CDA: variants seen among roughly 807,000 people sequenced by gnomAD.
The protein encoded by CDA is cytidine aminohydrolase.
CDA carries 7 observed loss-of-function variants against 15.0 expected under a neutral mutation model. The ratio of observed to expected loss-of-function variants is 0.47; its 90% CI spans 0.26 to 0.87. The LOEUF (loss-of-function observed/expected upper bound fraction) is 0.87, where lower values mean the gene tolerates loss of function less well. Ranked by LOEUF, CDA falls within the 40% of genes least tolerant of loss-of-function variation. The pLI, the probability that CDA is intolerant of heterozygous loss-of-function variation, is 0.15. For missense variants in CDA, 159 were observed against 182.7 expected (o/e 0.87, Z 0.75); for synonymous variants, 58 against 73.0 (o/e 0.79, Z 1.05).
chr1:20,591,114 C>T (rs533464415), intron 1 of CDA, among the ~76,000 whole-genome samples: 19 of 152,204 alleles, frequency 1.2e-4, no homozygotes, highest in African/African-American at 4.1e-4. Flanking sequence ...CCGAGGCAGG[C>T]GGATCACGAT....
intron 2 of CDA, among the ~76,000 whole-genome samples, chr1:20,609,346 C>A (rs987059997): frequency 2.0e-5 from 3 of 152,132 alleles, no homozygotes; most frequent in Admixed American, 2.0e-4. Context: ...ATTAACCAGG[C>A]GTGGTGGCGG....
Position 20,618,635 on chromosome 1 carries a change from TG to T in CDA, c.*71del. 1 of 942,700 alleles carries T rather than the reference TG, an allele frequency of 1.1e-6. No homozygotes were observed. Among genetic ancestry groups the T allele is most frequent in the Non-Finnish European group, 1.8e-6 (1 of 568,534 alleles). The allele number at this position is 942,700 out of a possible 1,614,324, so 58.4% of individuals were successfully genotyped here. On this transcript the variant is annotated 3_prime_UTR_variant, in exon 4 of 4. Transcript: ENST00000375071. ...ACTTCATAAAGATGTCTCACAGCCC[TG>T]GGGACACCTGCCCAGTGGGCCCCAG...
intron 1 of CDA, among the ~76,000 whole-genome samples, chr1:20,603,755 C>T (rs1010277994): frequency 2.6e-5 from 4 of 152,228 alleles, no homozygotes; most frequent in African/African-American, 9.6e-5. Flanking sequence ...AGATGGAATA[C>T]CACATCTTGC....
Position 20,589,225 on chromosome 1 carries a change from CTA to C in CDA, c.97_98del (p.Tyr33GlnfsTer34), listed in dbSNP as rs750180479. The C allele has an allele frequency of 1.2e-6, 2 of 1,613,886 alleles. No individual in the cohort carries two copies. The highest frequency in any genetic ancestry group is 1.7e-6 in the Non-Finnish European group (2 of 1,179,796). On this transcript the variant is annotated frameshift_variant, in exon 1 of 4. Coordinates refer to ENST00000375071, the MANE Select transcript of CDA (RefSeq NM_001785.3). LOFTEE classifies it high-confidence loss of function. ...AGGCCAAGAAGTCAGCCTACTGCCC[CTA>C]CAGTCACTTTCCTGTGGGGGCTGCC... ...QEAKKSAYCP[Y>X]SHFPVGAALL...
At chr1:20,596,319 C>T (rs530830780) in intron 1 of CDA, among the ~76,000 whole-genome samples, 2 of 152,248 alleles carry the variant, frequency 1.3e-5, no homozygotes, top group African/African-American at 2.4e-5. Context: ...ACATTCCTCA[C>T]GTGATTCTCA....
intron 1 of CDA, among the ~76,000 whole-genome samples, chr1:20,604,572 G>A (rs928910468): frequency 6.6e-6 from 1 of 152,180 alleles, no homozygotes; most frequent in Non-Finnish European, 1.5e-5. Flanking sequence ...TTAGATGCAG[G>A]TGTGGGGGCT....
chr1:20,595,270 A>T (rs2101177182), intron 1 of CDA, among the ~76,000 whole-genome samples: 1 of 152,144 alleles, frequency 6.6e-6, no homozygotes, highest in East Asian at 1.9e-4. Flanking sequence ...ACACTTGAGG[A>T]TGTCTTGGTT....
rs149473629 is a variant in CDA at position 20,592,706 on chromosome 1, C to T, written c.154+3423C>T. On this transcript the variant is annotated intron_variant, in intron 1 of 3. Coordinates refer to ENST00000375071, the MANE Select transcript of CDA (RefSeq NM_001785.3). ...GTTTGTTGAACACATGAATGAAAGG[C>T]TTCTACTAGGACTGGGACAGGTAGA... Among the ~76,000 whole-genome samples, 963 of 152,274 alleles carry T rather than the reference C, an allele frequency of 6.3e-3. 21 individuals carry two copies. Among genetic ancestry groups the T allele is most frequent in the Admixed American group, 0.042 (639 of 15,290 alleles).
At chr1:20,603,620 T>C (rs1010229067) in intron 1 of CDA, among the ~76,000 whole-genome samples, 7 of 152,188 alleles carry the variant, frequency 4.6e-5, no homozygotes, top group Non-Finnish European at 1.5e-5. Context: ...TTACAGTCCC[T>C]AGCTGAGCGG....
At chr1:20,607,359 G>A (rs1050049735) in intron 2 of CDA, among the ~76,000 whole-genome samples, 2 of 152,188 alleles carry the variant, frequency 1.3e-5, no homozygotes, top group South Asian at 2.1e-4. Context: ...CCCTGTCACC[G>A]AGGTGTGTCC....
rs78436564 is a variant in CDA at position 20,600,358 on chromosome 1, G to C, written c.155-4570G>C. 6.4e-3 allele frequency among the ~76,000 whole-genome samples: 970 copies of C among 152,274 alleles called. 5 individuals are homozygous for C. The highest frequency in any genetic ancestry group is 1.0e-2 in the Non-Finnish European group (678 of 68,026). On this transcript the variant is annotated intron_variant, in intron 1 of 3. Transcript: ENST00000375071. The stretch of plus-strand genomic sequence containing the variant: ...AGTCACTAGGCTGGGAGTGAGGCTG[G>C]CAGGGACTGTAATCTGGGAGAGAGG...
intron 1 of CDA, among the ~76,000 whole-genome samples, chr1:20,591,183 CA>C (rs927556765): frequency 6.0e-5 from 9 of 150,640 alleles, no homozygotes; most frequent in South Asian, 2.1e-4. Context: ...ACTAAAAATA[CA>C]AAAAAAAATA....
At chr1:20,608,746 C>T (rs956835754) in intron 2 of CDA, among the ~76,000 whole-genome samples, 3 of 152,206 alleles carry the variant, frequency 2.0e-5, no homozygotes, top group African/African-American at 7.2e-5. Flanking sequence ...ATCATTATTT[C>T]TTCTGCAAGC....
At chr1:20,618,368 G>A in intron 3 of CDA, 84 bp from the exon 4 acceptor site, 2 of 753,172 alleles carry the variant, frequency 2.7e-6, no homozygotes, top group Non-Finnish European at 4.8e-6. Flanking sequence ...ACATTAGACA[G>A]TGGCAGAGTC....
chr1:20,617,875 T>G (rs1344269393), intron 3 of CDA, among the ~76,000 whole-genome samples: 1 of 151,998 alleles, frequency 6.6e-6, no homozygotes, highest in Admixed American at 6.6e-5. Context: ...TTTGTATTTT[T>G]AGGAGAGATG....
chr1:20,617,697 A>T (rs1020326191), intron 3 of CDA, among the ~76,000 whole-genome samples: 13 of 144,084 alleles, frequency 9.0e-5, no homozygotes, highest in South Asian at 6.6e-4. Context: ...ATTTTATTTT[A>T]TTTTTTTTTT....
intron 1 of CDA, among the ~76,000 whole-genome samples, chr1:20,589,640 A>C (rs1399645436): frequency 2.6e-5 from 4 of 152,128 alleles, no homozygotes; most frequent in Non-Finnish European, 5.9e-5. Flanking sequence ...AGGCTTCCAC[A>C]ACACTAAGTC....
intron 1 of CDA, among the ~76,000 whole-genome samples, chr1:20,593,808 C>T (rs978307688): frequency 1.3e-5 from 2 of 152,214 alleles, no homozygotes; most frequent in African/African-American, 4.8e-5. Context: ...CTCCTGACCT[C>T]AAATGATCCT....
intron 3 of CDA, among the ~76,000 whole-genome samples, chr1:20,614,843 G>A (rs1259397626): frequency 6.6e-6 from 1 of 152,068 alleles, no homozygotes; most frequent in Non-Finnish European, 1.5e-5. Context: ...TTTATTCCAA[G>A]AATAAAGGAA....
Sources: gnomAD v4.1 joint callset for allele counts (sites outside exome capture counted in the v4.1 genomes callset) on GRCh38, gnomAD v4.1.1 for gene constraint, MANE v1.5 for transcripts, NCBI Gene and HGNC (gene_info 2026-07-23, HGNC 2026-07-21) for gene names.